Variants in HADHB observed in about 807,000 individuals in gnomAD.
The protein encoded by HADHB is hydroxyacyl-CoA dehydrogenase trifunctional multienzyme complex subunit beta.
In HADHB, 50 loss-of-function variants were observed where a neutral mutation model predicts 61.9. The observed-to-expected ratio is 0.81, with a 90% CI of 0.64 to 1.02. The LOEUF (loss-of-function observed/expected upper bound fraction) is 1.02, where lower values mean the gene tolerates loss of function less well. Among genes scored for constraint, HADHB ranks in the 50% least tolerant of loss-of-function variants. The pLI, the probability that HADHB is intolerant of heterozygous loss-of-function variation, is 0.00. For missense variants in HADHB, 504 were observed against 586.5 expected, an observed-to-expected ratio of 0.86 and a Z score of 1.45; for synonymous variants, 191 against 201.6, an observed-to-expected ratio of 0.95 and a Z score of 0.45.
intron 5 of HADHB, 23 bp from the exon 6 acceptor site, chr2:26,273,628 T>C (rs1199176671): frequency 7.5e-7 from 1 of 1,335,298 alleles, no homozygotes; most frequent in Admixed American, 1.7e-5. Context: ...AAATGTTTCT[T>C]TGCTTTGGAT....
intron 1 of HADHB, among the ~76,000 whole-genome samples, chr2:26,252,957 T>TA (rs1277998498): frequency 6.6e-6 from 1 of 152,256 alleles, no homozygotes; most frequent in East Asian, 1.9e-4. Flanking sequence ...CACATACTCT[T>TA]ACCTACACAG....
chr2:26,260,491 G>C (rs17047451), intron 3 of HADHB: 2,128 of 156,254 alleles, frequency 0.014, 42 homozygotes, highest in African/African-American at 0.047. Flanking sequence ...CCTGTTTTCT[G>C]TCTGCTCAAA....
intron 6 of HADHB, 105 bp downstream of exon 6, chr2:26,273,855 A>G (rs752912144): frequency 4.2e-6 from 3 of 714,100 alleles, no homozygotes; most frequent in Non-Finnish European, 7.7e-6. Flanking sequence ...CTATTGAGTT[A>G]CATTTGACCT....
At chr2:26,289,110 C>T (rs1341295563) in intron 15 of HADHB, among the ~76,000 whole-genome samples, 2 of 151,956 alleles carry the variant, frequency 1.3e-5, no homozygotes, top group Non-Finnish European at 2.9e-5. Context: ...ATTAGCCGGA[C>T]GTGGTGGCGG....
chr2:26,279,920 A>G, intron 9 of HADHB, 74 bp from the exon 10 acceptor site: 1 of 1,120,770 alleles, frequency 8.9e-7, no homozygotes, highest in Non-Finnish European at 1.3e-6. Flanking sequence ...TGTAATTTTT[A>G]AAGCATATTT....
chr2:26,285,722 A>C (rs1249540822), intron 15 of HADHB, 151 bp downstream of exon 15: 1 of 180,798 alleles, frequency 5.5e-6, no homozygotes, highest in Admixed American at 6.5e-5. Flanking sequence ...ATTCTGATAA[A>C]ACTTTTTGTT....
chr2:26,249,201 G>A (rs1290123111), intron 1 of HADHB, among the ~76,000 whole-genome samples: 3 of 151,990 alleles, frequency 2.0e-5, no homozygotes, highest in African/African-American at 4.8e-5. Flanking sequence ...TCTTTCAGTT[G>A]CAAATAACAG....
chr2:26,288,294 AAAATAAAAT>A (rs1673124870), intron 15 of HADHB, among the ~76,000 whole-genome samples: 1 of 151,928 alleles, frequency 6.6e-6, no homozygotes, highest in South Asian at 2.1e-4. Flanking sequence ...AAATAAATAA[AAAATAAAAT>A]AAGCAAGCCA....
At chr2:26,269,342 A>C (rs1672237644) in intron 4 of HADHB, among the ~76,000 whole-genome samples, 1 of 151,952 alleles carries the variant, frequency 6.6e-6, no homozygotes. Context: ...CTACAGATCC[A>C]TGCCACCACG....
In HADHB at chr2:26,259,993, C is replaced by T. The variant is rs578111978; in HGVS notation, c.110-3387C>T. ...TAGTGGAAAATACTTAAGGTGGAACCGAGTAAAACAAGCTATTTGTTAGAA... is the reference window on the plus strand; with the variant it reads ...TAGTGGAAAATACTTAAGGTGGAACTGAGTAAAACAAGCTATTTGTTAGAA... On this transcript the variant is annotated intron_variant, in intron 3 of 15. Coordinates refer to ENST00000317799, the MANE Select transcript of HADHB (RefSeq NM_000183.3). Among the ~76,000 whole-genome samples the T allele has an allele frequency of 2.3e-4, 35 of 151,536 alleles. 1 individual carries two copies. In the South Asian group the frequency reaches 5.7e-3, roughly 24 times the overall value.
intron 3 of HADHB, among the ~76,000 whole-genome samples, chr2:26,259,296 C>T (rs747814505): frequency 3.9e-5 from 6 of 152,190 alleles, no homozygotes; most frequent in Non-Finnish European, 7.3e-5. Flanking sequence ...CTGCCTGGCT[C>T]TAGTGGCCAA....
At chr2:26,266,018 T>C (rs1672060588) in intron 4 of HADHB, among the ~76,000 whole-genome samples, 1 of 150,584 alleles carries the variant, frequency 6.6e-6, no homozygotes, top group Non-Finnish European at 1.5e-5. Flanking sequence ...TTGAGCAACA[T>C]ATGAGCAACA....
chr2:26,271,595 T>G (rs1213025738), intron 5 of HADHB, among the ~76,000 whole-genome samples: 1 of 152,190 alleles, frequency 6.6e-6, no homozygotes, highest in Non-Finnish European at 1.5e-5. Flanking sequence ...GTTTCATTCC[T>G]TAGAGCTTTG....
At chr2:26,247,108 C>T (rs1671198420) in intron 1 of HADHB, among the ~76,000 whole-genome samples, 1 of 152,098 alleles carries the variant, frequency 6.6e-6, no homozygotes, top group Non-Finnish European at 1.5e-5. Context: ...TTAGAGCCAC[C>T]CCATCTTGCT....
chr2:26,279,408 G>C, intron 9 of HADHB, 93 bp downstream of exon 9: 1 of 914,600 alleles, frequency 1.1e-6, no homozygotes, highest in Non-Finnish European at 1.8e-6. Context: ...TAAGTATGTT[G>C]GTTCTGTTTC....
chr2:26,275,253 A>G (rs1242868297), intron 6 of HADHB, among the ~76,000 whole-genome samples: 1 of 151,900 alleles, frequency 6.6e-6, no homozygotes, highest in African/African-American at 2.4e-5. Context: ...CCTAAAAGCT[A>G]ACATAATTTT....
chr2:26,248,834 A>G (rs1429215294), intron 1 of HADHB, among the ~76,000 whole-genome samples: 5 of 151,870 alleles, frequency 3.3e-5, no homozygotes, highest in African/African-American at 1.2e-4. Flanking sequence ...AGGCGGGCGG[A>G]TCACCTGAGG....
intron 1 of HADHB, among the ~76,000 whole-genome samples, chr2:26,250,702 T>G (rs1671364482): frequency 6.6e-6 from 1 of 151,234 alleles, no homozygotes; most frequent in Non-Finnish European, 1.5e-5. Flanking sequence ...GTGCCTGTAG[T>G]CTAAGCTACT....
At chr2:26,280,925 T>C (rs1202506272) in intron 10 of HADHB, among the ~76,000 whole-genome samples, 1 of 140,164 alleles carries the variant, frequency 7.1e-6, no homozygotes, top group Middle Eastern at 4.0e-3. Context: ...ATCAAGGAAG[T>C]ATGAGAGCAA....
Sources: allele counts gnomAD v4.1 joint callset (sites outside exome capture counted in the v4.1 genomes callset), GRCh38; gene constraint gnomAD v4.1.1; transcripts MANE v1.5; gene names NCBI Gene and HGNC (gene_info 2026-07-23, HGNC 2026-07-21).